The following NRXN3 variants were observed in gnomAD, a reference collection of about 807,000 sequenced individuals.
NRXN3 encodes neurexin 3.
NRXN3 carries 32 observed loss-of-function variants against 137.6 expected under a neutral mutation model. The ratio of observed to expected loss-of-function variants is 0.23; its 90% CI spans 0.18 to 0.31. The LOEUF is 0.31. Among genes scored for constraint, NRXN3 ranks in the 10% least tolerant of loss-of-function variants. The pLI is 1.00. For synonymous variants in NRXN3, 798 were observed against 784.5 expected (o/e 1.02, Z -0.29); for missense variants, 1,574 against 2,062.5 (o/e 0.76, Z 4.59).
At chr14:78,709,691 G>A (rs768738443) in intron 7 of NRXN3, 36 bp downstream of exon 7, 5 of 1,554,786 alleles carry the variant, frequency 3.2e-6, no homozygotes, top group African/African-American at 2.7e-5. Context: ...GAGACTAGAC[G>A]AAAGCTGTAG....
At chr14:79,294,214 C>T (rs2083657903) in intron 15 of NRXN3, among the ~76,000 whole-genome samples, 1 of 152,184 alleles carries the variant, frequency 6.6e-6, no homozygotes, top group South Asian at 2.1e-4. Flanking sequence ...CATATTTTCT[C>T]GCACACATTA....
intron 15 of NRXN3, among the ~76,000 whole-genome samples, chr14:79,430,889 A>AT (rs2095741743): frequency 6.6e-6 from 1 of 152,204 alleles, no homozygotes; most frequent in Admixed American, 6.6e-5. Flanking sequence ...TTAGAAGTCC[A>AT]TTGGATTCTG....
intron 10 of NRXN3, among the ~76,000 whole-genome samples, chr14:78,950,110 G>A (rs1454874277): frequency 6.6e-6 from 1 of 152,182 alleles, no homozygotes; most frequent in Non-Finnish European, 1.5e-5. Context: ...CATTAGAAAA[G>A]TGGAGAAAGT....
At chr14:78,720,287 G>A (rs1464579089) in intron 8 of NRXN3, among the ~76,000 whole-genome samples, 1 of 152,098 alleles carries the variant, frequency 6.6e-6, no homozygotes, top group Non-Finnish European at 1.5e-5. Flanking sequence ...ATCTCCATTT[G>A]GATATCTGAT....
At chr14:79,181,508 A>G (rs897978758) in intron 15 of NRXN3, among the ~76,000 whole-genome samples, 1 of 151,650 alleles carries the variant, frequency 6.6e-6, no homozygotes, top group African/African-American at 2.4e-5. Context: ...CATGATGAAA[A>G]CCCGTCTCTA....
At chr14:79,740,712 T>TTATATATATA (rs869216055) in intron 19 of NRXN3, among the ~76,000 whole-genome samples, 26 of 16,098 alleles carry the variant, frequency 1.6e-3, no homozygotes, top group Admixed American at 3.0e-3. Flanking sequence ...ATTTAGTTTT[T>TTATATATATA]TATATATATA....
chr14:78,769,630 C>T (rs202084519), intron 8 of NRXN3, among the ~76,000 whole-genome samples: 2 of 152,294 alleles, frequency 1.3e-5, no homozygotes, highest in African/African-American at 4.8e-5. Context: ...TTCACTTCTA[C>T]GAATAATACT....
chr14:78,266,912 T>G (rs1260772877), intron 2 of NRXN3, among the ~76,000 whole-genome samples: 5 of 152,102 alleles, frequency 3.3e-5, no homozygotes, highest in African/African-American at 9.7e-5. Context: ...GCTACTGACT[T>G]TCTTCTGGGG....
chr14:78,609,987 A>G (rs923724774), intron 4 of NRXN3, among the ~76,000 whole-genome samples: 1 of 151,492 alleles, frequency 6.6e-6, no homozygotes, highest in Non-Finnish European at 1.5e-5. Flanking sequence ...ACCTTCTACT[A>G]TGTAACAGAA....
At chr14:78,826,133 G>A (rs1458271084) in intron 10 of NRXN3, among the ~76,000 whole-genome samples, 1 of 152,164 alleles carries the variant, frequency 6.6e-6, no homozygotes, top group Non-Finnish European at 1.5e-5. Flanking sequence ...TGATATGGAG[G>A]ATACAGGACC....
intron 2 of NRXN3, among the ~76,000 whole-genome samples, chr14:78,274,385 A>G (rs965826975): frequency 2.6e-5 from 4 of 152,186 alleles, no homozygotes; most frequent in African/African-American, 9.6e-5. Context: ...AAAAGGGGGA[A>G]AAGCCCCTTA....
chr14:78,280,666 A>C (rs530487476), intron 3 of NRXN3, among the ~76,000 whole-genome samples: 1 of 152,272 alleles, frequency 6.6e-6, no homozygotes, highest in South Asian at 2.1e-4. Context: ...TGTGCCCATG[A>C]GGCTGCCTCT....
At chr14:79,247,051 T>A (rs1010288656) in intron 15 of NRXN3, 1 of 152,200 alleles carries the variant, frequency 6.6e-6, no homozygotes, top group East Asian at 1.9e-4. Flanking sequence ...ACCCAGCCCA[T>A]GAATTTGCAT....
At position 79,269,956 on chromosome 14, in the gene NRXN3, A is replaced by G. The variant is rs113647734; in HGVS notation, c.3263-197265A>G. ...CAGAAGTTTAAGATTCCTCACCTCAATGAATGAGATTTTAATAAACAGAAG... is the reference window on the plus strand; with the variant it reads ...CAGAAGTTTAAGATTCCTCACCTCAGTGAATGAGATTTTAATAAACAGAAG... On this transcript the variant is annotated intron_variant, in intron 15 of 20. Transcript: ENST00000335750. 5.6e-3 allele frequency among the ~76,000 whole-genome samples: 854 copies of G among 152,314 alleles called. 10 individuals are homozygous for G. The highest frequency in any genetic ancestry group is 0.018 in the African/African-American group (761 of 41,566).
At chr14:79,066,071 G>A (rs553914455) in intron 15 of NRXN3, among the ~76,000 whole-genome samples, 10 of 152,114 alleles carry the variant, frequency 6.6e-5, no homozygotes, top group African/African-American at 9.6e-5. Context: ...TTTTGCCCAC[G>A]CCTAATTCCT....
intron 15 of NRXN3, among the ~76,000 whole-genome samples, chr14:79,384,884 A>G (rs2094563304): frequency 6.6e-6 from 1 of 152,214 alleles, no homozygotes. Flanking sequence ...AGCTATTGGA[A>G]CAATCGCTGC....
At chr14:78,345,249 C>T (rs1332475944) in intron 4 of NRXN3, among the ~76,000 whole-genome samples, 1 of 152,078 alleles carries the variant, frequency 6.6e-6, no homozygotes, top group Non-Finnish European at 1.5e-5. Flanking sequence ...CCAAGTAGTT[C>T]AGCTTTTACT....
chr14:79,280,192 C>G lies in NRXN3; in HGVS notation c.3263-187029C>G, dbSNP rs922176073. The G allele has an allele frequency of 4.6e-6, 7 of 1,536,012 alleles. No individual in the cohort carries two copies. In the African/African-American group the frequency reaches 6.9e-5, roughly 15 times the overall value. On this transcript the variant is annotated intron_variant, in intron 15 of 20. Coordinates refer to ENST00000335750, the MANE Select transcript of NRXN3 (RefSeq NM_001330195.2). ...CCCTCTTCCCCGAATTCTGGCAACT[C>G]TTCCTCCTGCTATGATGGGCCCTTG...
At chr14:79,035,215 A>G (rs2152506660) in intron 15 of NRXN3, among the ~76,000 whole-genome samples, 1 of 152,272 alleles carries the variant, frequency 6.6e-6, no homozygotes, top group Non-Finnish European at 1.5e-5. Context: ...GGCAAGATAA[A>G]TTTGACAGAA....
Sources: gnomAD v4.1 joint callset for allele counts (sites outside exome capture counted in the v4.1 genomes callset) on GRCh38, gnomAD v4.1.1 for gene constraint, MANE v1.5 for transcripts, NCBI Gene and HGNC (gene_info 2026-07-23, HGNC 2026-07-21) for gene names.